The following MYLK variants were observed in gnomAD, a reference collection of about 807,000 sequenced individuals.
MYLK encodes the protein myosin light chain kinase, smooth muscle.
In MYLK, 106 loss-of-function variants were observed where a neutral mutation model predicts 203.4. The ratio of observed to expected loss-of-function variants is 0.52; its 90% CI spans 0.45 to 0.61. The LOEUF (loss-of-function observed/expected upper bound fraction) is 0.61. Ranked by LOEUF, MYLK falls within the 20% of genes least tolerant of loss-of-function variation. The probability of loss-of-function intolerance (pLI) is 0.00; values close to 1 mark genes in which losing one functional copy is unlikely to be tolerated. For synonymous variants in MYLK, 867 were observed against 959.5 expected (o/e 0.90, Z 1.78); for missense variants, 2,072 against 2,442.3 (o/e 0.85, Z 3.20).
At chr3:123,746,317 TC>T (rs11334304) in intron 5 of MYLK, among the ~76,000 whole-genome samples, 133,812 of 150,670 alleles carry the variant, frequency 0.89, 61,314 homozygotes, top group East Asian at 1. Flanking sequence ...AGCACAAAGT[TC>T]AATAAAATCT....
At chr3:123,739,247 C>T (rs530852172) in intron 6 of MYLK, among the ~76,000 whole-genome samples, 185 bp from the exon 7 acceptor site, 4 of 152,364 alleles carry the variant, frequency 2.6e-5, no homozygotes, top group Admixed American at 2.6e-4. Flanking sequence ...AACCTATTTC[C>T]TCTACCTCTT....
rs147227509 is a variant in MYLK at position 123,667,156 on chromosome 3, G to A, written c.3684C>T (p.Pro1228=). 38 of 1,614,110 alleles carry A rather than the reference G, an allele frequency of 2.4e-5. No individual in the cohort carries two copies. The highest frequency in any genetic ancestry group is 3.0e-5 in the Non-Finnish European group (35 of 1,179,998). ...SDATVKKKPA[P]KTPPKAAMPP... is the part of the protein sequence containing the mutation. ...AATTACCTGCCTTCGGAGGTGTCTT[G>A]GGGGCAGGTTTCTTTTTCACAGTCG... is the stretch of plus-strand genomic sequence containing the variant. The change falls in exon 21 of 34, where the codon CCC becomes CCT. Residue 1228 remains proline (P), a synonymous_variant. Transcript: ENST00000360304.
At chr3:123,794,338 G>C (rs1371095425) in intron 3 of MYLK, among the ~76,000 whole-genome samples, 3 of 152,194 alleles carry the variant, frequency 2.0e-5, no homozygotes, top group Non-Finnish European at 2.9e-5. Flanking sequence ...AGAGAGGAAG[G>C]TAGTTTGGGG....
At chr3:123,861,195 T>C (rs1488134622) in intron 2 of MYLK, among the ~76,000 whole-genome samples, 1 of 151,092 alleles carries the variant, frequency 6.6e-6, no homozygotes, top group Non-Finnish European at 1.5e-5. Context: ...GTTGAGATCA[T>C]GAAAGAAAAT....
intron 3 of MYLK, among the ~76,000 whole-genome samples, chr3:123,795,886 C>G (rs1202363435): frequency 6.6e-6 from 1 of 152,194 alleles, no homozygotes; most frequent in African/African-American, 2.4e-5. Context: ...ATGAACAATG[C>G]TCTCTGGGAC....
intron 2 of MYLK, among the ~76,000 whole-genome samples, chr3:123,853,717 T>C (rs531772448): frequency 6.6e-6 from 1 of 152,238 alleles, no homozygotes; most frequent in South Asian, 2.1e-4. Flanking sequence ...CATGAGATCA[T>C]AGACTTCCAA....
chr3:123,836,672 T>C (rs1256869429), intron 2 of MYLK, among the ~76,000 whole-genome samples: 1 of 152,284 alleles, frequency 6.6e-6, no homozygotes, highest in Non-Finnish European at 1.5e-5. Flanking sequence ...TGGAGAACTC[T>C]CCACAGGCCT....
At chr3:123,692,140 G>A (rs534494092) in intron 19 of MYLK, 1 of 221,998 alleles carries the variant, frequency 4.5e-6, no homozygotes, top group Non-Finnish European at 8.0e-6. Flanking sequence ...TCCTAACACA[G>A]AAACTCCGCT....
At chr3:123,666,452 C>T in intron 21 of MYLK, 106 bp from the exon 22 acceptor site, 2 of 1,511,846 alleles carry the variant, frequency 1.3e-6, no homozygotes, top group Non-Finnish European at 1.8e-6. Flanking sequence ...CTCTTGGCTT[C>T]CGGAACCTTC....
intron 3 of MYLK, among the ~76,000 whole-genome samples, chr3:123,812,262 C>A (rs1435436434): frequency 6.6e-6 from 1 of 152,182 alleles, no homozygotes; most frequent in Non-Finnish European, 1.5e-5. Flanking sequence ...ATTGACAGCA[C>A]CTGTTCCTTG....
chr3:123,758,768 T>A (rs1026823964), intron 4 of MYLK, among the ~76,000 whole-genome samples: 3 of 152,204 alleles, frequency 2.0e-5, no homozygotes, highest in African/African-American at 4.8e-5. Context: ...TTTAATGATA[T>A]AAGCATCTAA....
chr3:123,747,704 C>G (rs1211322185), intron 5 of MYLK, among the ~76,000 whole-genome samples: 1 of 152,236 alleles, frequency 6.6e-6, no homozygotes, highest in Non-Finnish European at 1.5e-5. Context: ...GATTTCTGTG[C>G]ACATGCATTT....
At chr3:123,692,711 C>A (rs200628429) in intron 19 of MYLK, 24 bp downstream of exon 19, 1 of 1,564,348 alleles carries the variant, frequency 6.4e-7, no homozygotes. Context: ...GTATGGGTGG[C>A]GGCGATGGGT....
Position 123,734,014 on chromosome 3 carries a change from A to T in MYLK, c.982T>A (p.Ser328Thr). The stretch of plus-strand genomic sequence containing the variant: ...GGGGTCTGCGGGGCCGTTCTGGGCG[A>T]GTCCTTGCATGACTCCAGCTTGGAC... ...RESKLESCKDSPRTAPQTPVL... is the reference protein window; with the variant it reads ...RESKLESCKDTPRTAPQTPVL... Residue 328 changes from serine to threonine, a missense_variant, in exon 10 of 34, where the codon TCG becomes ACG. Ser to Thr is a moderately conservative substitution (Grantham distance 58). Transcript: ENST00000360304. 6.2e-7 allele frequency: 1 copy of T among 1,614,184 alleles called. No individual in the cohort carries two copies. The highest frequency in any genetic ancestry group is 8.5e-7 in the Non-Finnish European group (1 of 1,180,032).
chr3:123,619,186 G>A (rs1485910408), intron 32 of MYLK, among the ~76,000 whole-genome samples: 1 of 152,168 alleles, frequency 6.6e-6, no homozygotes, highest in Admixed American at 6.5e-5. Context: ...TACAAGGGAG[G>A]AGTCAGGTCC....
intron 2 of MYLK, among the ~76,000 whole-genome samples, chr3:123,852,410 T>C (rs2030915406): frequency 1.3e-5 from 2 of 152,330 alleles, no homozygotes; most frequent in South Asian, 2.1e-4. Flanking sequence ...TTTCAGAGCC[T>C]GTTATTGGTC....
chr3:123,729,839 G>A (rs748886423), intron 11 of MYLK, among the ~76,000 whole-genome samples: 16 of 150,930 alleles, frequency 1.1e-4, no homozygotes, highest in Non-Finnish European at 1.6e-4. Context: ...CTATTATCAC[G>A]CCACTGCACT....
intron 5 of MYLK, among the ~76,000 whole-genome samples, chr3:123,748,116 C>T (rs1393543382): frequency 8.5e-5 from 13 of 152,114 alleles, no homozygotes; most frequent in African/African-American, 2.9e-4. Context: ...GTGAGGGCCT[C>T]GGGAAGCTTA....
intron 20 of MYLK, 195 bp downstream of exon 20, chr3:123,682,029 G>A (rs1005989456): frequency 1.5e-6 from 1 of 657,738 alleles, no homozygotes; most frequent in Non-Finnish European, 2.8e-6. Flanking sequence ...AGAGCACTGG[G>A]ATGGGGTGAG....
Sources: gnomAD v4.1 joint callset for allele counts (sites outside exome capture counted in the v4.1 genomes callset) on GRCh38, gnomAD v4.1.1 for gene constraint, MANE v1.5 for transcripts, NCBI Gene and HGNC (gene_info 2026-07-23, HGNC 2026-07-21) for gene names.